SPECC1: variants seen among roughly 807,000 people sequenced by gnomAD.
SPECC1 encodes the protein cytospin-B.
In SPECC1, 62 loss-of-function variants were observed where a neutral mutation model predicts 104.1. That is an observed-to-expected ratio of 0.60 (90% CI 0.49 to 0.74). SPECC1 has a LOEUF of 0.74. Among genes scored for constraint, SPECC1 ranks in the 30% least tolerant of loss-of-function variants. SPECC1 has a pLI of 0.00. For synonymous variants in SPECC1, 513 were observed against 501.6 expected, an observed-to-expected ratio of 1.02 and a Z score of -0.30; for missense variants, 1,306 against 1,310.5, an observed-to-expected ratio of 1.00 and a Z score of 0.05.
intron 1 of SPECC1, among the ~76,000 whole-genome samples, chr17:20,030,234 G>A (rs1207558143): frequency 3.3e-5 from 5 of 151,602 alleles, no homozygotes; most frequent in African/African-American, 1.2e-4. Flanking sequence ...TAGTATCTAG[G>A]GTTTAACATG....
intron 1 of SPECC1, among the ~76,000 whole-genome samples, chr17:20,021,702 A>ATTTTTTTTTT (rs1187795523): frequency 7.2e-6 from 1 of 139,276 alleles, no homozygotes; most frequent in East Asian, 2.1e-4. Flanking sequence ...ATATATATAT[A>ATTTTTTTTTT]TTTTTTTGTA....
In SPECC1 at chr17:20,316,456, G is replaced by A. The variant is rs1391954749; in HGVS notation, c.*2391G>A. The A allele has an allele frequency of 1.5e-5, 3 of 193,982 alleles. No individual in the cohort carries two copies. Among genetic ancestry groups the A allele is most frequent in the Non-Finnish European group, 3.2e-5 (3 of 93,316 alleles). The allele number at this position is 193,982 out of a possible 1,614,324, so 12.0% of individuals were successfully genotyped here. A position where few individuals can be genotyped will look rare whatever the true frequency, so the allele number is the denominator to read the frequency against. The stretch of plus-strand genomic sequence containing the variant: ...GTCTCAGCTCACTGCAACCTCCGCC[G>A]CCCGTGTTTAAGCGATTCTCCTGCC... On this transcript the variant is annotated 3_prime_UTR_variant, in exon 15 of 15. Transcript: ENST00000395527.
intron 1 of SPECC1, among the ~76,000 whole-genome samples, chr17:20,013,702 C>T (rs1015019548): frequency 5.3e-5 from 8 of 152,060 alleles, no homozygotes; most frequent in African/African-American, 1.9e-4. Context: ...AGGTTTTAAC[C>T]GTGTTGGCCA....
chr17:20,200,921 A>G (rs2036389829), intron 3 of SPECC1, among the ~76,000 whole-genome samples: 1 of 152,046 alleles, frequency 6.6e-6, no homozygotes, highest in African/African-American at 2.4e-5. Flanking sequence ...AAGAATAGAT[A>G]TAACAAAAAT....
intron 1 of SPECC1, among the ~76,000 whole-genome samples, chr17:20,093,422 C>T (rs1000495368): frequency 3.9e-5 from 6 of 152,156 alleles, no homozygotes; most frequent in African/African-American, 1.4e-4. Flanking sequence ...TGACCCTTAC[C>T]TCGTAGGGTT....
chr17:20,086,313 T>C (rs1259702065), intron 1 of SPECC1, among the ~76,000 whole-genome samples: 1 of 151,994 alleles, frequency 6.6e-6, no homozygotes, highest in Non-Finnish European at 1.5e-5. Flanking sequence ...CTCCTGTCTC[T>C]CCCCCTAGGC....
At chr17:20,230,488 A>G (rs1481869512) in intron 5 of SPECC1, among the ~76,000 whole-genome samples, 2 of 125,172 alleles carry the variant, frequency 1.6e-5, no homozygotes, top group African/African-American at 7.1e-5. Context: ...CATGATTGAG[A>G]AGAAAAGTCA....
At chr17:20,071,533 T>C (rs2152482009) in intron 1 of SPECC1, among the ~76,000 whole-genome samples, 1 of 152,300 alleles carries the variant, frequency 6.6e-6, no homozygotes, top group South Asian at 2.1e-4. Context: ...GATTAGAATT[T>C]TTATTGGAAT....
chr17:20,272,138 A>G (rs2040429346), intron 12 of SPECC1, among the ~76,000 whole-genome samples: 1 of 151,920 alleles, frequency 6.6e-6, no homozygotes, highest in African/African-American at 2.4e-5. Context: ...TCAATATGTA[A>G]TTCATGACTT....
intron 13 of SPECC1, among the ~76,000 whole-genome samples, chr17:20,298,553 C>T (rs923240457): frequency 8.5e-5 from 13 of 152,170 alleles, no homozygotes; most frequent in South Asian, 2.1e-4. Flanking sequence ...GAGTCTGGGG[C>T]GGGAGAGGCG....
intron 1 of SPECC1, among the ~76,000 whole-genome samples, chr17:20,010,397 C>A (rs773607897): frequency 2.0e-5 from 3 of 152,180 alleles, no homozygotes; most frequent in Non-Finnish European, 4.4e-5. Context: ...GTCAGCCCTT[C>A]AGGACAATTT....
Position 20,205,649 on chromosome 17 carries a change from GC to G in SPECC1, c.1602del (p.Thr536LeufsTer12). 1 of 1,614,176 alleles carries G rather than the reference GC, an allele frequency of 6.2e-7. No homozygotes were observed. The highest frequency in any genetic ancestry group is 8.5e-7 in the Non-Finnish European group (1 of 1,180,022). The stretch of plus-strand genomic sequence containing the variant: ...GGAACGGCATAATAATAACATGATG[GC>G]CAAAACTTTGGAAGAGTGTAGAGTT... The part of the protein sequence containing the change: ...ELERHNNNMM[A>X]KTLEECRVTL... On this transcript the variant is annotated frameshift_variant, in exon 4 of 15. Transcript: ENST00000395527. LOFTEE classifies it high-confidence loss of function.
intron 10 of SPECC1, among the ~76,000 whole-genome samples, chr17:20,257,192 G>A (rs1055275320): frequency 6.6e-6 from 1 of 152,198 alleles, no homozygotes; most frequent in African/African-American, 2.4e-5. Context: ...CACATGCTTG[G>A]TGTAATGCTC....
At chr17:20,177,778 C>T (rs1192773094) in intron 3 of SPECC1, among the ~76,000 whole-genome samples, 3 of 152,096 alleles carry the variant, frequency 2.0e-5, no homozygotes, top group South Asian at 2.1e-4. Context: ...GGCGCGATCT[C>T]GGCTCACTGC....
intron 3 of SPECC1, among the ~76,000 whole-genome samples, chr17:20,125,192 CA>C (rs1233721193): frequency 3.3e-5 from 3 of 90,760 alleles, no homozygotes; most frequent in Non-Finnish European, 5.0e-5. Context: ...AAAACAAAAA[CA>C]AAAACAAAAC....
At chr17:20,284,321 T>G (rs950653165) in intron 12 of SPECC1, among the ~76,000 whole-genome samples, 12 of 152,132 alleles carry the variant, frequency 7.9e-5, no homozygotes, top group African/African-American at 2.9e-4. Flanking sequence ...AGCTGCACAT[T>G]TTATGGAATG....
intron 12 of SPECC1, 83 bp downstream of exon 12, chr17:20,260,377 C>G: frequency 8.8e-7 from 1 of 1,129,992 alleles, no homozygotes; most frequent in Non-Finnish European, 1.3e-6. Flanking sequence ...TGTGCCTGTG[C>G]TTGATGGGCC....
chr17:20,028,610 G>A (rs2044690991), intron 1 of SPECC1, among the ~76,000 whole-genome samples: 1 of 152,118 alleles, frequency 6.6e-6, no homozygotes, highest in African/African-American at 2.4e-5. Flanking sequence ...CTTGATTACT[G>A]TTGCTGTGTC....
intron 3 of SPECC1, among the ~76,000 whole-genome samples, chr17:20,167,930 G>C (rs937085248): frequency 4.6e-5 from 7 of 152,082 alleles, no homozygotes; most frequent in African/African-American, 1.4e-4. Context: ...TGTTGCTTAG[G>C]ATCAGGTTAA....
Sources: gnomAD v4.1 joint callset for allele counts (sites outside exome capture counted in the v4.1 genomes callset) on GRCh38, gnomAD v4.1.1 for gene constraint, MANE v1.5 for transcripts, NCBI Gene and HGNC (gene_info 2026-07-23, HGNC 2026-07-21) for gene names.